UBE2C: variants seen among roughly 807,000 people sequenced by gnomAD.
The protein encoded by UBE2C is ubiquitin-conjugating enzyme E2 C.
UBE2C carries 16 observed loss-of-function variants against 23.5 expected under a neutral mutation model. The observed-to-expected ratio is 0.68, with a 90% CI of 0.46 to 1.03. The LOEUF (loss-of-function observed/expected upper bound fraction) is 1.03. UBE2C is among the 50% of genes least tolerant of loss of function. The pLI is 0.00. For synonymous variants in UBE2C, 76 were observed against 91.6 expected (o/e 0.83, Z 0.97); for missense variants, 192 against 227.6 (o/e 0.84, Z 1.01).
chr20:45,815,427 T>C (rs1028463933), intron 3 of UBE2C, 114 bp from the exon 4 acceptor site: 8 of 1,613,674 alleles, frequency 5.0e-6, no homozygotes. Context: ...ACAGTTTGTC[T>C]ACTGTCCGGT....
At position 45,815,906 on chromosome 20, in the gene UBE2C, C is replaced by T. The variant is rs61760191; in HGVS notation, c.474C>T (p.Asn158=). 1.2e-6 allele frequency: 2 copies of T among 1,614,062 alleles called. No homozygotes were observed. Among genetic ancestry groups the T allele is most frequent in the Non-Finnish European group, 8.5e-7 (1 of 1,180,010 alleles). ...LNTHAAELWK[N]PTAFKKYLQE... ...CACATGCTGCCGAGCTCTGGAAAAACCCCACAGGTGAGTCCTCAGTCCTTG... is the reference window on the plus strand; with the variant it reads ...CACATGCTGCCGAGCTCTGGAAAAATCCCACAGGTGAGTCCTCAGTCCTTG... The change falls in exon 5 of 6, where the codon AAC becomes AAT. Residue 158 remains asparagine, a synonymous_variant. Transcript: ENST00000356455.
At position 45,815,609 on chromosome 20, in the gene UBE2C, A is replaced by G; in HGVS notation, c.285A>G (p.Thr95=). 1.2e-6 allele frequency: 2 copies of G among 1,614,156 alleles called. No homozygotes were observed. Among genetic ancestry groups the G allele is most frequent in the Non-Finnish European group, 1.7e-6 (2 of 1,180,028 alleles). Residue 95 remains threonine, a synonymous_variant, in exon 4 of 6, where the codon ACA becomes ACG. Coordinates refer to ENST00000356455, the MANE Select transcript of UBE2C (RefSeq NM_007019.4). The part of the protein sequence containing the change: ...FPSGYPYNAP[T]VKFLTPCYHP... ...GTGGCTACCCTTACAATGCGCCCACAGTGAAGTTCCTCACGCCCTGCTATC... is the reference window on the plus strand; with the variant it reads ...GTGGCTACCCTTACAATGCGCCCACGGTGAAGTTCCTCACGCCCTGCTATC...
intron 1 of UBE2C, 70 bp downstream of exon 1, chr20:45,812,866 C>T: frequency 6.7e-7 from 1 of 1,487,012 alleles, no homozygotes; most frequent in South Asian, 1.3e-5. Flanking sequence ...GCAAAGATTT[C>T]TAGGACCACC....
At chr20:45,814,222 A>AGTGTG (rs1982239004) in intron 2 of UBE2C, among the ~76,000 whole-genome samples, 162 bp from the exon 3 acceptor site, 1 of 45,606 alleles carries the variant, frequency 2.2e-5, no homozygotes, top group Admixed American at 2.8e-4. Flanking sequence ...ATATATACAC[A>AGTGTG]TATATATGTG....
intron 1 of UBE2C, 130 bp from the exon 2 acceptor site, chr20:45,813,307 C>G: frequency 3.8e-6 from 6 of 1,583,502 alleles, no homozygotes; most frequent in Non-Finnish European, 5.1e-6. Flanking sequence ...ATACCCTGAG[C>G]TGAGCCTGAC....
At chr20:45,813,081 G>A in intron 1 of UBE2C, 1 of 1,404,684 alleles carries the variant, frequency 7.1e-7, no homozygotes, top group East Asian at 2.7e-5. Context: ...AGAATGGGAG[G>A]GTAGGGGCGC....
At chr20:45,815,797 A>G (rs767150857) in intron 4 of UBE2C, 52 bp downstream of exon 4, 7 of 1,612,466 alleles carry the variant, frequency 4.3e-6, no homozygotes, top group African/African-American at 1.3e-5. Context: ...ACCTGTCAGG[A>G]CTCCCTGGGG....
At chr20:45,813,940 A>G (rs1982181710) in intron 2 of UBE2C, among the ~76,000 whole-genome samples, 1 of 151,982 alleles carries the variant, frequency 6.6e-6, no homozygotes, top group South Asian at 2.1e-4. Flanking sequence ...CCCTGTCTCT[A>G]CTAAAAATAC....
chr20:45,814,530 G>T (rs1399301559), intron 3 of UBE2C, 60 bp downstream of exon 3: 2 of 1,393,886 alleles, frequency 1.4e-6, no homozygotes, highest in Admixed American at 1.8e-5. Context: ...TGAGATCCAA[G>T]TGCGAGCTCT....
intron 3 of UBE2C, among the ~76,000 whole-genome samples, chr20:45,814,678 G>A (rs1030855354): frequency 1.3e-5 from 2 of 152,172 alleles, no homozygotes; most frequent in Non-Finnish European, 2.9e-5. Context: ...TTTACATGGG[G>A]GGACAGACAG....
At position 45,815,657 on chromosome 20, in the gene UBE2C, T is replaced by A. The variant is rs533696759; in HGVS notation, c.333T>A (p.Gly111=). ...ATCACCCCAACGTGGACACCCAGGG[T>A]AACATATGCCTGGACATCCTGAAGG... ...PCYHPNVDTQ[G]NICLDILKEK... Residue 111 remains glycine (G), a synonymous_variant, in exon 4 of 6, where the codon GGT becomes GGA. Coordinates refer to ENST00000356455, the MANE Select transcript of UBE2C (RefSeq NM_007019.4). The A allele has an allele frequency of 1.3e-4, 217 of 1,614,006 alleles. 1 individual carries two copies. Among genetic ancestry groups the A allele is most frequent in the Non-Finnish European group, 1.8e-4 (213 of 1,180,012 alleles).
intron 5 of UBE2C, 95 bp downstream of exon 5, chr20:45,816,008 G>T: frequency 3.5e-6 from 5 of 1,429,990 alleles, no homozygotes; most frequent in Non-Finnish European, 4.8e-6. Context: ...GACCGGGTTG[G>T]TTGGGGCAGG....
chr20:45,816,365 G>A (rs1400675689), intron 5 of UBE2C, among the ~76,000 whole-genome samples: 1 of 152,054 alleles, frequency 6.6e-6, no homozygotes, highest in Non-Finnish European at 1.5e-5. Flanking sequence ...GCCAGGCACA[G>A]TGGCTCATGC....
At position 45,813,829 on chromosome 20, in the gene UBE2C, C is replaced by T. The variant is rs995741226; in HGVS notation, c.129+365C>T. Among the ~76,000 whole-genome samples, 6 of 152,074 alleles carry T rather than the reference C, an allele frequency of 3.9e-5. 1 individual carries two copies. Among genetic ancestry groups the T allele is most frequent in the Admixed American group, 3.9e-4 (6 of 15,272 alleles). ...GTGATGAGATTAAGGGGAGGCTGGG[C>T]GCGGTAGCTCACACCTTATAATCCC... On this transcript the variant is annotated intron_variant, in intron 2 of 5. Coordinates refer to ENST00000356455, the MANE Select transcript of UBE2C (RefSeq NM_007019.4).
intron 2 of UBE2C, among the ~76,000 whole-genome samples, 181 bp downstream of exon 2, chr20:45,813,645 A>C (rs911721393): frequency 6.6e-6 from 1 of 151,130 alleles, no homozygotes; most frequent in Admixed American, 6.6e-5. Context: ...CCATCCCCCC[A>C]CACGAAGTTA....
intron 3 of UBE2C, among the ~76,000 whole-genome samples, chr20:45,814,675 G>T (rs73308413): frequency 1.8e-4 from 28 of 152,284 alleles, no homozygotes; most frequent in Non-Finnish European, 3.7e-4. Context: ...ATGTTTACAT[G>T]GGGGGACAGA....
Position 45,815,823 on chromosome 20 carries a change from G to T in UBE2C, c.422-31G>T, listed in dbSNP as rs753741917. 2.5e-6 allele frequency: 4 copies of T among 1,613,748 alleles called. No individual in the cohort carries two copies. In the African/African-American group the frequency reaches 5.3e-5, roughly 22 times the overall value. The stretch of plus-strand genomic sequence containing the variant: ...CTCCCTGGGGTCAGCCTCTTCTACC[G>T]CCTTGACCTTCTCTTTCTCTCCACC... On this transcript the variant is annotated intron_variant, in intron 4 of 5. Coordinates refer to ENST00000356455, the MANE Select transcript of UBE2C (RefSeq NM_007019.4).
At chr20:45,814,301 A>ATATATAT in intron 2 of UBE2C, 83 bp from the exon 3 acceptor site, 1 of 469,768 alleles carries the variant, frequency 2.1e-6, no homozygotes. Context: ...TATATATATA[A>ATATATAT]AATTAAGGGG....
intron 2 of UBE2C, 85 bp from the exon 3 acceptor site, chr20:45,814,288 ATATATATATAT>A (rs1982266534): frequency 4.4e-5 from 18 of 410,052 alleles, no homozygotes; most frequent in South Asian, 7.9e-5. Flanking sequence ...ATATATATAT[ATATATATATAT>A]AAAATTAAGG....
Sources: gnomAD v4.1 joint callset for allele counts (sites outside exome capture counted in the v4.1 genomes callset) on GRCh38, gnomAD v4.1.1 for gene constraint, MANE v1.5 for transcripts, NCBI Gene and HGNC (gene_info 2026-07-23, HGNC 2026-07-21) for gene names.